The following KCNN2 variants were observed in gnomAD, a reference collection of about 807,000 sequenced individuals.
KCNN2 encodes the protein small conductance calcium-activated potassium channel protein 2.
Under a neutral mutation model 55.5 loss-of-function variants are expected in KCNN2, and 24 were observed. The ratio of observed to expected loss-of-function variants is 0.43; its 90% confidence interval spans 0.31 to 0.61. The LOEUF is 0.61. Among genes scored for constraint, KCNN2 ranks in the 20% least tolerant of loss-of-function variants. KCNN2 has a pLI of 0.08. For synonymous variants in KCNN2, 431 were observed against 336.1 expected (o/e 1.28, Z -3.09); for missense variants, 754 against 853.6 (o/e 0.88, Z 1.45).
At chr5:114,341,992 C>T (rs1375177485) in intron 2 of KCNN2, among the ~76,000 whole-genome samples, 1 of 151,506 alleles carries the variant, frequency 6.6e-6, no homozygotes, top group East Asian at 1.9e-4. Flanking sequence ...AGCTCAGCCT[C>T]CTGGGTTCAC....
intron 1 of KCNN2, among the ~76,000 whole-genome samples, chr5:114,099,875 T>C (rs1483165822): frequency 2.0e-5 from 3 of 151,844 alleles, no homozygotes; most frequent in African/African-American, 7.2e-5. Flanking sequence ...TTAAATAATA[T>C]ATATAAAGAA....
At chr5:114,345,569 C>T (rs1187842837) in intron 2 of KCNN2, among the ~76,000 whole-genome samples, 1 of 152,130 alleles carries the variant, frequency 6.6e-6, no homozygotes, top group Non-Finnish European at 1.5e-5. Context: ...AAGAACAACA[C>T]TGAAAGAGTT....
intron 2 of KCNN2, among the ~76,000 whole-genome samples, chr5:114,346,272 C>T (rs745575572): frequency 7.2e-5 from 11 of 152,128 alleles, no homozygotes; most frequent in Non-Finnish European, 1.5e-4. Flanking sequence ...GCCTTCATGA[C>T]GCAAACACCT....
chr5:114,122,487 C>A (rs986401786), intron 1 of KCNN2, among the ~76,000 whole-genome samples: 1 of 152,144 alleles, frequency 6.6e-6, no homozygotes, highest in Non-Finnish European at 1.5e-5. Flanking sequence ...ATACCTTATA[C>A]GAGCCCATGA....
chr5:114,237,897 G>A (rs1429789621), intron 2 of KCNN2, among the ~76,000 whole-genome samples: 2 of 152,140 alleles, frequency 1.3e-5, no homozygotes, highest in South Asian at 2.1e-4. Context: ...CTCTTGCCCC[G>A]TGGCCTTTTA....
intron 2 of KCNN2, among the ~76,000 whole-genome samples, chr5:114,316,954 A>C (rs1756513244): frequency 6.6e-6 from 1 of 152,232 alleles, no homozygotes; most frequent in African/African-American, 2.4e-5. Flanking sequence ...TGATTATGGA[A>C]TAAATTCCAA....
intron 1 of KCNN2, among the ~76,000 whole-genome samples, chr5:114,130,317 C>A (rs1014161585): frequency 6.6e-6 from 1 of 152,128 alleles, no homozygotes; most frequent in Non-Finnish European, 1.5e-5. Context: ...TTTTCCTTAG[C>A]TTGCTTTCCA....
intron 1 of KCNN2, among the ~76,000 whole-genome samples, chr5:114,201,373 G>A (rs1753670632): frequency 6.6e-6 from 1 of 152,100 alleles, no homozygotes; most frequent in Non-Finnish European, 1.5e-5. Flanking sequence ...CCAAGAGTGG[G>A]GCATAGCCCA....
intron 1 of KCNN2, among the ~76,000 whole-genome samples, chr5:114,068,647 A>G (rs1019525938): frequency 6.6e-6 from 1 of 152,200 alleles, no homozygotes; most frequent in African/African-American, 2.4e-5. Context: ...TGCCTCTCCC[A>G]GTGCTTCCCA....
intron 2 of KCNN2, among the ~76,000 whole-genome samples, chr5:114,381,357 TGAAA>T (rs1758120746): frequency 6.6e-6 from 1 of 152,148 alleles, no homozygotes; most frequent in African/African-American, 2.4e-5. Flanking sequence ...TTAGCTGTAT[TGAAA>T]GAGACAGATT....
At chr5:114,415,764 G>A (rs951562756) in intron 3 of KCNN2, among the ~76,000 whole-genome samples, 6 of 152,196 alleles carry the variant, frequency 3.9e-5, no homozygotes, top group Admixed American at 3.3e-4. Context: ...AGAGTTCTTT[G>A]TATATTCTGG....
intron 2 of KCNN2, among the ~76,000 whole-genome samples, chr5:114,314,975 C>T (rs1756471417): frequency 6.6e-6 from 1 of 152,090 alleles, no homozygotes; most frequent in African/African-American, 2.4e-5. Flanking sequence ...CTAACAAGAA[C>T]ACAGAGGTTT....
At chr5:114,144,353 G>A (rs1752352429) in intron 1 of KCNN2, among the ~76,000 whole-genome samples, 1 of 152,038 alleles carries the variant, frequency 6.6e-6, no homozygotes, top group African/African-American at 2.4e-5. Flanking sequence ...CCACATCCAA[G>A]TAGAATTTTT....
At chr5:114,187,333 A>G (rs1326876399) in intron 1 of KCNN2, among the ~76,000 whole-genome samples, 3 of 152,074 alleles carry the variant, frequency 2.0e-5, no homozygotes, top group Non-Finnish European at 2.9e-5. Context: ...GGAAAACAAT[A>G]GATGTTCTCC....
At chr5:114,160,716 A>C (rs1290960055) in intron 1 of KCNN2, among the ~76,000 whole-genome samples, 1 of 152,168 alleles carries the variant, frequency 6.6e-6, no homozygotes, top group African/African-American at 2.4e-5. Flanking sequence ...TATTTAGGAT[A>C]GTTAGTTCTT....
intron 2 of KCNN2, among the ~76,000 whole-genome samples, chr5:114,237,849 A>G (rs1255760652): frequency 6.6e-6 from 1 of 152,220 alleles, no homozygotes; most frequent in African/African-American, 2.4e-5. Context: ...GCTTTACTCC[A>G]CGAGGTGACT....
intron 1 of KCNN2, among the ~76,000 whole-genome samples, chr5:114,214,040 C>G (rs1016865399): frequency 1.3e-5 from 2 of 152,048 alleles, no homozygotes; most frequent in Admixed American, 6.6e-5. Flanking sequence ...GAGACAGGTT[C>G]TAGCCCCAAT....
At chr5:114,366,562 G>A (rs895549300) in intron 2 of KCNN2, among the ~76,000 whole-genome samples, 5 of 152,156 alleles carry the variant, frequency 3.3e-5, no homozygotes, top group African/African-American at 1.2e-4. Context: ...TGAACTGGAA[G>A]TCAAGAACCA....
At chr5:114,062,804 G>A (rs1301309482) in intron 1 of KCNN2, among the ~76,000 whole-genome samples, 3 of 152,216 alleles carry the variant, frequency 2.0e-5, no homozygotes, top group South Asian at 4.1e-4. Context: ...ATATAAACAG[G>A]TAAGTCCTTA....
Sources: allele counts gnomAD v4.1 joint callset (sites outside exome capture counted in the v4.1 genomes callset), GRCh38; gene constraint gnomAD v4.1.1; transcripts MANE v1.5; gene names NCBI Gene and HGNC (gene_info 2026-07-23, HGNC 2026-07-21).